Variants in HDAC9 observed in about 807,000 individuals in gnomAD.
HDAC9 encodes the protein histone deacetylase 9, also known as MEF-2 interacting transcription repressor (MITR) protein.
HDAC9 carries 41 observed loss-of-function variants against 139.4 expected under a neutral mutation model. That is an observed-to-expected ratio of 0.29 (90% CI 0.23 to 0.38). The LOEUF (loss-of-function observed/expected upper bound fraction) is 0.38, where lower values mean the gene tolerates loss of function less well. HDAC9 is among the 10% of genes least tolerant of loss of function. The pLI, the probability that HDAC9 is intolerant of heterozygous loss-of-function variation, is 1.00. For synonymous variants in HDAC9, 517 were observed against 476.2 expected (o/e 1.09, Z -1.12); for missense variants, 1,147 against 1,297.0 (o/e 0.88, Z 1.78).
At chr7:18,881,422 T>C (rs1799730738) in intron 22 of HDAC9, among the ~76,000 whole-genome samples, 1 of 152,112 alleles carries the variant, frequency 6.6e-6, no homozygotes, top group South Asian at 2.1e-4. Flanking sequence ...AGGTCATATA[T>C]GGGTATGTAG....
At chr7:18,651,208 A>G (rs1192074593) in intron 11 of HDAC9, among the ~76,000 whole-genome samples, 1 of 152,146 alleles carries the variant, frequency 6.6e-6, no homozygotes, top group African/African-American at 2.4e-5. Context: ...ACCATTTAGA[A>G]TGCCCATTAG....
chr7:18,723,479 G>C (rs1267264266), intron 12 of HDAC9, among the ~76,000 whole-genome samples: 1 of 152,182 alleles, frequency 6.6e-6, no homozygotes, highest in Non-Finnish European at 1.5e-5. Flanking sequence ...TTGAGCAATA[G>C]ATATTGGATG....
chr7:18,990,867 C>G (rs536963457), intron 25 of HDAC9, among the ~76,000 whole-genome samples: 1 of 152,240 alleles, frequency 6.6e-6, no homozygotes, highest in African/African-American at 2.4e-5. Flanking sequence ...GCCCCTTGTG[C>G]TTCCCAAGTG....
chr7:18,173,153 T>C (rs1443053343), intron 2 of HDAC9, among the ~76,000 whole-genome samples: 1 of 152,220 alleles, frequency 6.6e-6, no homozygotes, highest in Non-Finnish European at 1.5e-5. Context: ...GGTGCATTTA[T>C]ATTTAGTATG....
At chr7:18,402,363 G>A (rs1237979537) in intron 1 of HDAC9, among the ~76,000 whole-genome samples, 1 of 152,196 alleles carries the variant, frequency 6.6e-6, no homozygotes. Context: ...AAATCTTAAA[G>A]ACTGAGTAGG....
In HDAC9 at chr7:18,310,809, TACACACACACAC is replaced by T. The variant is rs71847714; in HGVS notation, c.-42+20323_-42+20334del. On this transcript the variant is annotated intron_variant, in intron 1 of 3. Transcript: ENST00000413509. Reference sequence around the variant, plus strand: ...TTTTTATCAACTTGTACAAATCCATTACACACACACACACACACACACACACACACACACACA... The same window carrying T: ...TTTTTATCAACTTGTACAAATCCATTACACACACACACACACACACACACA... 2.3e-3 allele frequency among the ~76,000 whole-genome samples: 335 copies of T among 143,226 alleles called. 2 individuals carry two copies. Among genetic ancestry groups the T allele is most frequent in the African/African-American group, 5.2e-3 (204 of 39,438 alleles). 94.0% of individuals were successfully genotyped at this position (143,226 alleles called of 152,430 possible). A position where few individuals can be genotyped will look rare whatever the true frequency, so the allele number is the denominator to read the frequency against.
intron 12 of HDAC9, among the ~76,000 whole-genome samples, chr7:18,694,021 A>T (rs75790616): frequency 0.015 from 2,267 of 152,286 alleles, 55 homozygotes; most frequent in African/African-American, 0.051. Flanking sequence ...CAAGCAAAAC[A>T]TCTTGAATTG....
rs114458603 is a variant in HDAC9 at position 18,637,558 on chromosome 7, G to A, written c.912+2816G>A. 2.1e-3 allele frequency among the ~76,000 whole-genome samples: 317 copies of A among 152,172 alleles called. 1 individual carries two copies. The highest frequency in any genetic ancestry group is 7.3e-3 in the African/African-American group (305 of 41,532). ...ACAGAGGGAAATGTGATTTAATGGAGTTTAAAAGGGTAGAGGTATTTCTTC... is the reference window on the plus strand; with the variant it reads ...ACAGAGGGAAATGTGATTTAATGGAATTTAAAAGGGTAGAGGTATTTCTTC... On this transcript the variant is annotated intron_variant, in intron 8 of 25. Coordinates refer to ENST00000686413, the MANE Select transcript of HDAC9 (RefSeq NM_178425.4).
At chr7:18,399,059 T>C (rs955248158) in intron 1 of HDAC9, among the ~76,000 whole-genome samples, 10 of 152,202 alleles carry the variant, frequency 6.6e-5, no homozygotes, top group African/African-American at 2.4e-4. Context: ...GTTATTGCAG[T>C]TGGATTTCTT....
chr7:18,759,965 CTT>C (rs900797044), intron 14 of HDAC9, among the ~76,000 whole-genome samples: 1 of 152,056 alleles, frequency 6.6e-6, no homozygotes, highest in African/African-American at 2.4e-5. Flanking sequence ...TGAAACGAAT[CTT>C]TATAGACATG....
chr7:18,806,560 A>G (rs762388653), intron 17 of HDAC9, among the ~76,000 whole-genome samples: 11 of 152,184 alleles, frequency 7.2e-5, no homozygotes, highest in African/African-American at 2.7e-4. Context: ...CTCTGTGACC[A>G]CGGTTGGAAA....
intron 1 of HDAC9, among the ~76,000 whole-genome samples, chr7:18,477,602 C>T (rs1795214404): frequency 6.6e-6 from 1 of 152,144 alleles, no homozygotes; most frequent in Non-Finnish European, 1.5e-5. Flanking sequence ...TTTCAAAATT[C>T]ATTTCTCATC....
chr7:18,091,907 GT>G (rs1318551186), intron 1 of HDAC9, among the ~76,000 whole-genome samples: 1 of 152,176 alleles, frequency 6.6e-6, no homozygotes, highest in East Asian at 1.9e-4. Context: ...CCTCTCATAG[GT>G]ACTGTTACAA....
At chr7:18,857,347 G>GTGTA (rs1797764726) in intron 21 of HDAC9, among the ~76,000 whole-genome samples, 1 of 151,640 alleles carries the variant, frequency 6.6e-6, no homozygotes. Flanking sequence ...GTGTGTGTGT[G>GTGTA]TGTGTGTGTG....
intron 1 of HDAC9, among the ~76,000 whole-genome samples, chr7:18,466,519 A>T (rs1321413112): frequency 6.6e-6 from 1 of 152,010 alleles, no homozygotes; most frequent in Non-Finnish European, 1.5e-5. Context: ...TTTATCTTCA[A>T]AGCCAGTAAT....
intron 25 of HDAC9, among the ~76,000 whole-genome samples, chr7:18,980,942 G>C (rs1049352585): frequency 2.0e-5 from 3 of 151,790 alleles, no homozygotes; most frequent in African/African-American, 7.3e-5. Flanking sequence ...TCTTGCCTCA[G>C]CCTCTCGAGT....
chr7:18,904,715 A>G (rs1435317672), intron 22 of HDAC9, among the ~76,000 whole-genome samples: 1 of 150,530 alleles, frequency 6.6e-6, no homozygotes, highest in Non-Finnish European at 1.5e-5. Flanking sequence ...AGCTGGGACT[A>G]CAGGCAACCG....
intron 1 of HDAC9, among the ~76,000 whole-genome samples, chr7:18,151,527 C>T (rs575173720): frequency 6.6e-6 from 1 of 152,194 alleles, no homozygotes; most frequent in African/African-American, 2.4e-5. Context: ...TTGCAGCCTC[C>T]TTGATCCTCA....
intron 24 of HDAC9, among the ~76,000 whole-genome samples, chr7:18,960,161 A>G (rs1311550309): frequency 6.6e-6 from 1 of 152,136 alleles, no homozygotes; most frequent in Non-Finnish European, 1.5e-5. Context: ...ACAAGTAACT[A>G]TGTAATTGAC....
Sources: gnomAD v4.1 joint callset for allele counts (sites outside exome capture counted in the v4.1 genomes callset) on GRCh38, gnomAD v4.1.1 for gene constraint, MANE v1.5 for transcripts, NCBI Gene and HGNC (gene_info 2026-07-23, HGNC 2026-07-21) for gene names.